The following CDC42BPA variants were observed in gnomAD, a reference collection of about 807,000 sequenced individuals.
CDC42BPA encodes the protein serine/threonine-protein kinase MRCK alpha.
A neutral mutation model predicts 223.5 loss-of-function variants in CDC42BPA; 80 were observed. The observed-to-expected ratio is 0.36, with a 90% CI of 0.30 to 0.43. The LOEUF (loss-of-function observed/expected upper bound fraction) is 0.43. Among genes scored for constraint, CDC42BPA ranks in the 20% least tolerant of loss-of-function variants. CDC42BPA has a pLI of 1.00. For synonymous variants in CDC42BPA, 694 were observed against 718.6 expected (o/e 0.97, Z 0.55); for missense variants, 1,743 against 2,099.9 (o/e 0.83, Z 3.32).
chr1:227,118,770 T>C (rs1040410939), intron 12 of CDC42BPA, among the ~76,000 whole-genome samples: 4 of 152,084 alleles, frequency 2.6e-5, no homozygotes, highest in Non-Finnish European at 4.4e-5. Context: ...TTAATATTAC[T>C]ATAATATTAT....
At chr1:227,131,682 A>C (rs1361003343) in intron 10 of CDC42BPA, among the ~76,000 whole-genome samples, 1 of 152,196 alleles carries the variant, frequency 6.6e-6, no homozygotes, top group African/African-American at 2.4e-5. Context: ...TCCAAAGTTT[A>C]CATCTGAAAG....
At chr1:227,233,097 A>C (rs1307209510) in intron 2 of CDC42BPA, among the ~76,000 whole-genome samples, 2 of 152,222 alleles carry the variant, frequency 1.3e-5, no homozygotes, top group Admixed American at 1.3e-4. Context: ...CCATGTGCTC[A>C]GTTGGAAATG....
intron 15 of CDC42BPA, among the ~76,000 whole-genome samples, chr1:227,096,019 A>C (rs931423094): frequency 2.0e-5 from 3 of 152,234 alleles, no homozygotes; most frequent in Non-Finnish European, 4.4e-5. Flanking sequence ...GTAATTTTAT[A>C]TGATTGCTTT....
chr1:227,030,147 A>G (rs1669006284), intron 29 of CDC42BPA, among the ~76,000 whole-genome samples: 1 of 152,156 alleles, frequency 6.6e-6, no homozygotes, highest in South Asian at 2.1e-4. Context: ...AAAAAAAAAA[A>G]GAAATGCAAT....
At chr1:227,270,745 G>A (rs375672739) in intron 1 of CDC42BPA, among the ~76,000 whole-genome samples, 15 of 151,794 alleles carry the variant, frequency 9.9e-5, no homozygotes, top group East Asian at 5.8e-4. Flanking sequence ...TCCCCTCCCC[G>A]ACCCACCACC....
chr1:227,152,257 C>T (rs914381672), intron 6 of CDC42BPA, among the ~76,000 whole-genome samples: 6 of 151,956 alleles, frequency 3.9e-5, no homozygotes, highest in African/African-American at 1.5e-4. Context: ...TTTTTTCTTT[C>T]GTTGCCTGTA....
rs1478876583 is a variant in CDC42BPA, at chr1:227,317,557, G to T, written c.-375C>A. On this transcript the variant is annotated 5_prime_UTR_variant, in exon 1 of 37. Coordinates refer to ENST00000366766, the MANE Select transcript of CDC42BPA (RefSeq NM_001394014.1). ...TTCTCCTTCATTCAAAATTCAACTC[G>T]TGCAACGTAATCCTGAAACGAATCC... The T allele has an allele frequency of 2.5e-6, 1 of 395,268 alleles. No homozygotes were observed. Among genetic ancestry groups the T allele is most frequent in the East Asian group, 3.6e-5 (1 of 28,036 alleles). 24.5% of individuals were successfully genotyped at this position (395,268 alleles called of 1,614,324 possible).
intron 34 of CDC42BPA, chr1:227,010,993 A>T (rs757029595): frequency 7.3e-7 from 1 of 1,362,266 alleles, no homozygotes; most frequent in African/African-American, 1.5e-5. Context: ...CATGTGATAG[A>T]TGTGTTCAAA....
chr1:227,125,058 T>A (rs756959302), intron 11 of CDC42BPA, among the ~76,000 whole-genome samples: 1 of 152,022 alleles, frequency 6.6e-6, no homozygotes, highest in Non-Finnish European at 1.5e-5. Context: ...CTAAAGAAGA[T>A]GGTAACCCAT....
intron 1 of CDC42BPA, among the ~76,000 whole-genome samples, chr1:227,291,450 G>A (rs543123429): frequency 6.6e-6 from 1 of 152,278 alleles, no homozygotes; most frequent in African/African-American, 2.4e-5. Context: ...TCAGGAGGCT[G>A]AGGCAGGAGA....
intron 6 of CDC42BPA, among the ~76,000 whole-genome samples, chr1:227,156,131 GT>G: frequency 6.9e-6 from 1 of 145,050 alleles, no homozygotes; most frequent in South Asian, 2.1e-4. Context: ...TTTTTTTTTT[GT>G]TTTTATTTAT....
At chr1:227,035,880 C>A (rs928818997) in intron 24 of CDC42BPA, among the ~76,000 whole-genome samples, 1 of 152,246 alleles carries the variant, frequency 6.6e-6, no homozygotes, top group Admixed American at 6.5e-5. Context: ...AGCATCTAAC[C>A]TTGTGAATAA....
intron 1 of CDC42BPA, among the ~76,000 whole-genome samples, chr1:227,273,683 A>G (rs548244895): frequency 7.6e-4 from 115 of 152,210 alleles, no homozygotes; most frequent in African/African-American, 2.7e-3. Flanking sequence ...TTAACCTGCT[A>G]AAATATGTGG....
chr1:227,098,278 CT>C (rs2149289855), intron 15 of CDC42BPA, among the ~76,000 whole-genome samples: 1 of 152,152 alleles, frequency 6.6e-6, no homozygotes, highest in Admixed American at 6.5e-5. Flanking sequence ...AAATTTTTTT[CT>C]ATCTATATCC....
At chr1:227,060,715 T>C (rs946836377) in intron 21 of CDC42BPA, among the ~76,000 whole-genome samples, 1 of 141,828 alleles carries the variant, frequency 7.1e-6, no homozygotes, top group African/African-American at 2.7e-5. Context: ...AGTAAATAGG[T>C]ACTTTTTTTT....
At chr1:227,125,202 A>G (rs1689338510) in intron 11 of CDC42BPA, among the ~76,000 whole-genome samples, 1 of 45,432 alleles carries the variant, frequency 2.2e-5, no homozygotes, top group African/African-American at 8.4e-5. Context: ...TAAACATCAC[A>G]GAAAAAAAAA....
chr1:227,287,009 G>C lies in CDC42BPA; in HGVS notation c.178+29996C>G, dbSNP rs577067889. Among the ~76,000 whole-genome samples, 41 of 135,326 alleles carry C rather than the reference G, an allele frequency of 3.0e-4. No homozygotes were observed. In the East Asian group the frequency reaches 8.2e-3, roughly 27 times the overall value. 88.8% of individuals were successfully genotyped at this position (135,326 alleles called of 152,430 possible). A position where few individuals can be genotyped will look rare whatever the true frequency, so the allele number is the denominator to read the frequency against. ...ACAGGAAGGACACCAAGCCATTCAT[G>C]AAAATCTGTCTCCATAACCCAAATA... On this transcript the variant is annotated intron_variant, in intron 1 of 36. Coordinates refer to ENST00000366766, the MANE Select transcript of CDC42BPA (RefSeq NM_001394014.1).
chr1:227,272,598 T>A (rs1268158841), intron 1 of CDC42BPA, among the ~76,000 whole-genome samples: 1 of 152,180 alleles, frequency 6.6e-6, no homozygotes, highest in East Asian at 1.9e-4. Flanking sequence ...AAGGTGTTTT[T>A]GATTTTAGAT....
In CDC42BPA at chr1:227,145,562, G is replaced by A. The variant is rs1660567509; in HGVS notation, c.1070C>T (p.Pro357Leu). 2 of 1,613,438 alleles carry A rather than the reference G, an allele frequency of 1.2e-6. No homozygotes were observed. Among genetic ancestry groups the A allele is most frequent in the African/African-American group, 2.7e-5 (2 of 75,028 alleles). The change falls in exon 8 of 37, where the codon CCT becomes CTT. Residue 357 changes from proline (P) to leucine (L), a missense_variant. Pro to Leu is a moderately conservative substitution (Grantham distance 98). Around this residue, in one of 6 missense-constraint regions of CDC42BPA, gnomAD observed 321 missense variants for 488.7 expected, o/e 0.66. Transcript: ENST00000366766. Reference sequence around the variant, plus strand: ...TGGGCTACTAACTTCTGGAATATAAGGTGCTTCACAGTTCCGAATATTATC... The same window carrying A: ...TGGGCTACTAACTTCTGGAATATAAAGTGCTTCACAGTTCCGAATATTATC... ...DWDNIRNCEA[P>L]YIPEVSSPTD...
Sources: gnomAD v4.1 joint callset for allele counts (sites outside exome capture counted in the v4.1 genomes callset) on GRCh38, gnomAD v4.1.1 for gene constraint, gnomAD v4.1.1 regional missense constraint, MANE v1.5 for transcripts, NCBI Gene and HGNC (gene_info 2026-07-23, HGNC 2026-07-21) for gene names.